The following SHROOM2 variants were observed in gnomAD, a reference collection of about 807,000 sequenced individuals.
The protein encoded by SHROOM2 is shroom family member 2.
Under a neutral mutation model 75.9 loss-of-function variants are expected in SHROOM2, and 33 were observed. The ratio of observed to expected loss-of-function variants is 0.43; its 90% CI spans 0.33 to 0.58. SHROOM2 has a LOEUF of 0.58. Ranked by LOEUF, SHROOM2 falls within the 20% of genes least tolerant of loss-of-function variation. The probability of loss-of-function intolerance (pLI) is 0.04; values close to 1 mark genes in which losing one functional copy is unlikely to be tolerated. For synonymous variants in SHROOM2, 655 were observed against 663.6 expected (o/e 0.99, Z 0.20); for missense variants, 1,434 against 1,461.2 (o/e 0.98, Z 0.30).
chrX:9,839,714 C>T (rs767885536), intron 1 of SHROOM2, among the ~76,000 whole-genome samples: 1 of 111,833 alleles, frequency 8.9e-6, no homozygotes, highest in African/African-American at 3.2e-5. Context: ...CTTTGCATTG[C>T]TGAGTATTAG....
intron 5 of SHROOM2, among the ~76,000 whole-genome samples, chrX:9,917,725 A>G (rs974927469): frequency 1.8e-5 from 2 of 111,413 alleles, no homozygotes; most frequent in East Asian, 2.8e-4. Flanking sequence ...GGGTGTCACC[A>G]TATTGGCCAG....
At chrX:9,846,655 C>T (rs1415953565) in intron 1 of SHROOM2, among the ~76,000 whole-genome samples, 1 of 112,091 alleles carries the variant, frequency 8.9e-6, no homozygotes, top group Non-Finnish European at 1.9e-5. Context: ...CTCTCGAACT[C>T]CTGACCTCAG....
chrX:9,805,200 G>A (rs1198019016), intron 1 of SHROOM2, among the ~76,000 whole-genome samples: 4 of 110,861 alleles, frequency 3.6e-5, no homozygotes, highest in South Asian at 3.8e-4. Flanking sequence ...AGCCGAGATC[G>A]CACCACTGCT....
At chrX:9,823,866 C>T (rs755959499) in intron 1 of SHROOM2, among the ~76,000 whole-genome samples, 1 of 106,642 alleles carries the variant, frequency 9.4e-6, no homozygotes, top group Non-Finnish European at 1.9e-5. Flanking sequence ...TCAAGTGATC[C>T]TCCCACCTCA....
At chrX:9,856,242 A>C (rs780242000) in intron 1 of SHROOM2, among the ~76,000 whole-genome samples, 1 of 110,714 alleles carries the variant, frequency 9.0e-6, no homozygotes, top group Non-Finnish European at 1.9e-5. Context: ...ACAAGAGTTC[A>C]GCATGGAGAA....
At chrX:9,797,395 T>C (rs2083700769) in intron 1 of SHROOM2, among the ~76,000 whole-genome samples, 1 of 112,704 alleles carries the variant, frequency 8.9e-6, no homozygotes, top group Non-Finnish European at 1.9e-5. Flanking sequence ...CCATTCATTG[T>C]ATGTTTTTTG....
At chrX:9,879,811 C>G (rs73474563) in intron 2 of SHROOM2, among the ~76,000 whole-genome samples, 13,232 of 111,459 alleles carry the variant, frequency 0.12, 1,893 homozygotes, top group African/African-American at 0.41. Context: ...GCAGTGGGAT[C>G]CACACTGTAC....
chrX:9,837,891 T>A (rs6638967), intron 1 of SHROOM2, among the ~76,000 whole-genome samples: 10,266 of 110,257 alleles, frequency 0.093, 384 homozygotes, highest in African/African-American at 0.15. Context: ...CAGCCTCAGA[T>A]GGTGGTAGCA....
At position 9,898,417 on chromosome X, in the gene SHROOM2, G is replaced by A. The variant is rs191182913; in HGVS notation, c.2891+127G>A. On this transcript the variant is annotated intron_variant, in intron 5 of 9. Transcript: ENST00000380913. ...GCCAAACCCAAAGCGGCTGAAATCC[G>A]GCGTGATTTCTAGCATCCCTGACGT... The A allele has an allele frequency of 3.5e-4, 184 of 518,341 alleles. 1 individual carries two copies. The East Asian group carries it at 6.7e-3, about 19-fold the overall frequency. 42.7% of individuals were successfully genotyped at this position (518,341 alleles called of 1,213,427 possible). A position where few individuals can be genotyped will look rare whatever the true frequency, so the allele number is the denominator to read the frequency against.
intron 2 of SHROOM2, among the ~76,000 whole-genome samples, chrX:9,886,216 C>T (rs1008050805): frequency 8.9e-6 from 1 of 112,543 alleles, no homozygotes; most frequent in Non-Finnish European, 1.9e-5. Flanking sequence ...TCCGACAACT[C>T]CCACCCAAGA....
chrX:9,847,620 G>C (rs751986887), intron 1 of SHROOM2, among the ~76,000 whole-genome samples: 1 of 112,257 alleles, frequency 8.9e-6, no homozygotes, highest in Non-Finnish European at 1.9e-5. Flanking sequence ...GTTGCATAAA[G>C]TGTCCTGTCC....
intron 1 of SHROOM2, among the ~76,000 whole-genome samples, chrX:9,829,184 C>T (rs758544005): frequency 1.8e-5 from 2 of 111,751 alleles, no homozygotes; most frequent in African/African-American, 3.3e-5. Flanking sequence ...CCACCACCCC[C>T]GGCTAACTTT....
chrX:9,929,670 T>C (rs6530348), intron 5 of SHROOM2, among the ~76,000 whole-genome samples: 9,625 of 111,653 alleles, frequency 0.086, 1,057 homozygotes, highest in African/African-American at 0.3. Flanking sequence ...AATCAGTGGG[T>C]GACCAAAGGC....
At chrX:9,901,919 G>A in intron 5 of SHROOM2, among the ~76,000 whole-genome samples, 1 of 109,610 alleles carries the variant, frequency 9.1e-6, no homozygotes, top group Non-Finnish European at 1.9e-5. Flanking sequence ...GATGGATGGA[G>A]GGACTGGTGG....
chrX:9,859,646 G>A (rs762006158), intron 1 of SHROOM2, among the ~76,000 whole-genome samples: 37 of 111,645 alleles, frequency 3.3e-4, no homozygotes, highest in African/African-American at 1.2e-3. Flanking sequence ...TTTCCAGAGG[G>A]GACCCAGTAA....
rs200846360 is a variant in SHROOM2, at chrX:9,873,724, A to G, written c.238A>G (p.Ile80Val). The G allele has an allele frequency of 1.6e-5, 19 of 1,209,940 alleles. No homozygotes were observed. The highest frequency in any genetic ancestry group is 1.3e-4 in the Admixed American group (6 of 45,742). The stretch of plus-strand genomic sequence containing the variant: ...AGATGAGATCGTCGGCATCAATGAC[A>G]TTGGTCTCTCAGGGTTTAGACAGGA... ...AGDEIVGINDIGLSGFRQEAI... is the reference protein window; with the variant it reads ...AGDEIVGINDVGLSGFRQEAI... Residue 80 changes from isoleucine (I) to valine (V), a missense_variant, in exon 2 of 10, where the codon ATT (isoleucine) becomes GTT (valine). Coordinates refer to ENST00000380913, the MANE Select transcript of SHROOM2 (RefSeq NM_001649.4).
intron 5 of SHROOM2, among the ~76,000 whole-genome samples, chrX:9,902,463 G>T (rs1421025517): frequency 8.9e-6 from 1 of 111,897 alleles, no homozygotes; most frequent in African/African-American, 3.3e-5. Flanking sequence ...GACCTTCCTT[G>T]AGTTAGTCTT....
chrX:9,939,003 A>G (rs1249448144), intron 7 of SHROOM2, among the ~76,000 whole-genome samples, 192 bp from the exon 8 acceptor site: 1 of 112,253 alleles, frequency 8.9e-6, no homozygotes, highest in Admixed American at 9.4e-5. Flanking sequence ...ACGAGTATCC[A>G]TTTGACAGGG....
chrX:9,787,024 C>T (rs1169711402), intron 1 of SHROOM2, among the ~76,000 whole-genome samples: 1 of 111,863 alleles, frequency 8.9e-6, no homozygotes, highest in African/African-American at 3.2e-5. Context: ...ACCTGCGGGG[C>T]TGCCTGGAGG....
Sources: allele counts gnomAD v4.1 joint callset (sites outside exome capture counted in the v4.1 genomes callset), GRCh38; gene constraint gnomAD v4.1.1; transcripts MANE v1.5; gene names NCBI Gene and HGNC (gene_info 2026-07-23, HGNC 2026-07-21).